Variants in EXT2 observed in about 807,000 individuals in gnomAD.
EXT2 encodes the protein exostosin-2.
In EXT2, 53 loss-of-function variants were observed where a neutral mutation model predicts 81.6. That is an observed-to-expected ratio of 0.65 (90% confidence interval 0.52 to 0.82). EXT2 has a LOEUF of 0.82. Ranked by LOEUF, EXT2 falls within the 40% of genes least tolerant of loss-of-function variation. EXT2 has a pLI of 0.00. For synonymous variants in EXT2, 320 were observed against 340.0 expected (o/e 0.94, Z 0.65); for missense variants, 774 against 910.2 (o/e 0.85, Z 1.93).
At chr11:44,166,350 G>A (rs1450255774) in intron 7 of EXT2, among the ~76,000 whole-genome samples, 1 of 152,220 alleles carries the variant, frequency 6.6e-6, no homozygotes, top group Non-Finnish European at 1.5e-5. Flanking sequence ...AGAGAAAGCA[G>A]TAACATGAAT....
chr11:44,135,737 A>G (rs1183138629), intron 7 of EXT2, among the ~76,000 whole-genome samples: 1 of 152,212 alleles, frequency 6.6e-6, no homozygotes, highest in Non-Finnish European at 1.5e-5. Flanking sequence ...TATTGAATGT[A>G]AGGATAGCCA....
At chr11:44,119,641 C>T (rs1413973799) in intron 4 of EXT2, among the ~76,000 whole-genome samples, 1 of 152,242 alleles carries the variant, frequency 6.6e-6, no homozygotes, top group African/African-American at 2.4e-5. Flanking sequence ...TACAGTGAGC[C>T]ACTCTTATCA....
chr11:44,108,267 G>T lies in EXT2; in HGVS notation c.536+19G>T. On this transcript the variant is annotated intron_variant, in intron 2 of 13. Transcript: ENST00000533608. ...TCTCTAGGTATCTCACACTCATACA[G>T]CCCAGCCCCCAGGAGATACTTGAGT... 6.2e-7 allele frequency: 1 copy of T among 1,608,624 alleles called. No homozygotes were observed.
At chr11:44,125,535 C>T (rs1262984188) in intron 5 of EXT2, among the ~76,000 whole-genome samples, 2 of 152,062 alleles carry the variant, frequency 1.3e-5, no homozygotes, top group South Asian at 2.1e-4. Context: ...ATAGGGAAAG[C>T]GGTCTCTTTG....
chr11:44,147,490 T>A (rs1185814393), intron 7 of EXT2, among the ~76,000 whole-genome samples: 4 of 152,208 alleles, frequency 2.6e-5, no homozygotes, highest in African/African-American at 9.6e-5. Context: ...ATAACACACT[T>A]CTTTAATAGC....
intron 8 of EXT2, among the ~76,000 whole-genome samples, chr11:44,178,510 C>A (rs905460328): frequency 2.0e-5 from 3 of 152,144 alleles, no homozygotes; most frequent in African/African-American, 7.2e-5. Flanking sequence ...CTTAGATGTC[C>A]AGACGGTGGC....
chr11:44,226,163 C>G (rs960530220), intron 10 of EXT2, among the ~76,000 whole-genome samples: 1 of 152,170 alleles, frequency 6.6e-6, no homozygotes, highest in Non-Finnish European at 1.5e-5. Context: ...TCAGGTGCCC[C>G]AGTACCAAGG....
At chr11:44,145,104 T>C (rs776938176) in intron 7 of EXT2, among the ~76,000 whole-genome samples, 1 of 152,028 alleles carries the variant, frequency 6.6e-6, no homozygotes, top group Non-Finnish European at 1.5e-5. Context: ...AGAAATAGCA[T>C]GGATTGTCCT....
chr11:44,204,505 T>TA (rs1479306872), intron 9 of EXT2, among the ~76,000 whole-genome samples: 1 of 152,234 alleles, frequency 6.6e-6, no homozygotes, highest in Non-Finnish European at 1.5e-5. Context: ...GGTAGGGCTA[T>TA]AACCTCCTTC....
chr11:44,184,861 C>G (rs911598913), intron 8 of EXT2, among the ~76,000 whole-genome samples: 2 of 152,226 alleles, frequency 1.3e-5, no homozygotes, highest in Non-Finnish European at 2.9e-5. Flanking sequence ...ATTGTAAACA[C>G]TAGTGTAGTA....
At chr11:44,165,004 A>G (rs967721199) in intron 7 of EXT2, among the ~76,000 whole-genome samples, 1 of 149,188 alleles carries the variant, frequency 6.7e-6, no homozygotes, top group African/African-American at 2.5e-5. Flanking sequence ...TCAGCCTCCC[A>G]AGTAGCTGGG....
chr11:44,163,127 A>C lies in EXT2; in HGVS notation c.1174-8484A>C, dbSNP rs183771520. Among the ~76,000 whole-genome samples the C allele has an allele frequency of 3.9e-5, 6 of 152,340 alleles. No homozygotes were observed. The East Asian group carries it at 1.2e-3, about 29-fold the overall frequency. ...CTGGAGAAACTGGTAACATGGGCAT[A>C]GTAAATGTCTTCAAAAACCTCCAGT... is the stretch of plus-strand genomic sequence containing the variant. On this transcript the variant is annotated intron_variant, in intron 7 of 13. Transcript: ENST00000533608.
At chr11:44,217,013 C>A (rs938240937) in intron 10 of EXT2, among the ~76,000 whole-genome samples, 45 of 147,886 alleles carry the variant, frequency 3.0e-4, no homozygotes, top group African/African-American at 1.1e-3. Context: ...ATGTGACCCA[C>A]CCGAGGCCTC....
chr11:44,243,228 G>A (rs1428884966), intron 13 of EXT2, among the ~76,000 whole-genome samples: 1 of 152,120 alleles, frequency 6.6e-6, no homozygotes, highest in African/African-American at 2.4e-5. Flanking sequence ...GCTTTTCCAG[G>A]CGTTTTCCCT....
chr11:44,103,300 A>G (rs1241714892), intron 1 of EXT2, among the ~76,000 whole-genome samples: 2 of 151,942 alleles, frequency 1.3e-5, no homozygotes. Flanking sequence ...CTGTGAATTG[A>G]TGTATTTTAT....
intron 7 of EXT2, among the ~76,000 whole-genome samples, chr11:44,139,721 C>T (rs1289124040): frequency 1.3e-5 from 2 of 152,174 alleles, no homozygotes; most frequent in Non-Finnish European, 2.9e-5. Flanking sequence ...ATCTGCAGCT[C>T]ATTTTAATGC....
At chr11:44,119,169 T>TATATATAAATATATAC (rs1192115471) in intron 4 of EXT2, among the ~76,000 whole-genome samples, 1 of 63,130 alleles carries the variant, frequency 1.6e-5, no homozygotes, top group Non-Finnish European at 3.1e-5. Flanking sequence ...TATATATATA[T>TATATATAAATATATAC]ACACATACAC....
chr11:44,121,839 C>A (rs1048805114), intron 4 of EXT2, among the ~76,000 whole-genome samples: 1 of 152,138 alleles, frequency 6.6e-6, no homozygotes, highest in African/African-American at 2.4e-5. Flanking sequence ...TCCCCATAAC[C>A]CTTCCCCCAG....
chr11:44,187,796 CAT>C (rs760816424), intron 8 of EXT2, among the ~76,000 whole-genome samples: 2 of 152,106 alleles, frequency 1.3e-5, no homozygotes, highest in Non-Finnish European at 2.9e-5. Context: ...GGAAGTGAGA[CAT>C]ATTTATATTC....
Sources: gnomAD v4.1 joint callset for allele counts (sites outside exome capture counted in the v4.1 genomes callset) on GRCh38, gnomAD v4.1.1 for gene constraint, MANE v1.5 for transcripts, NCBI Gene and HGNC (gene_info 2026-07-23, HGNC 2026-07-21) for gene names.